Variants in WWOX observed in about 807,000 individuals in gnomAD.
WWOX encodes the protein WW domain containing oxidoreductase.
In WWOX, 69 loss-of-function variants were observed where a neutral mutation model predicts 46.2. The ratio of observed to expected loss-of-function variants is 1.49; its 90% confidence interval spans 1.23 to 1.82. The LOEUF (loss-of-function observed/expected upper bound fraction) is 1.82, where lower values mean the gene tolerates loss of function less well. WWOX is among the 40% of genes most tolerant of loss of function. WWOX has a pLI of 0.00. For synonymous variants in WWOX, 359 were observed against 202.6 expected, an observed-to-expected ratio of 1.77 and a Z score of -6.56; for missense variants, 919 against 542.6, an observed-to-expected ratio of 1.69 and a Z score of -6.89.
chr16:78,511,401 A>G (rs1336336275), intron 8 of WWOX, among the ~76,000 whole-genome samples: 2 of 152,224 alleles, frequency 1.3e-5, no homozygotes, highest in African/African-American at 4.8e-5. Flanking sequence ...TCCAGCTGAA[A>G]ACAAAAAGGG....
At chr16:78,767,746 T>C (rs1271325053) in intron 8 of WWOX, among the ~76,000 whole-genome samples, 1 of 152,128 alleles carries the variant, frequency 6.6e-6, no homozygotes, top group East Asian at 1.9e-4. Flanking sequence ...CTTAAAAAAA[T>C]AGAATAGCCA....
intron 8 of WWOX, among the ~76,000 whole-genome samples, chr16:78,483,058 T>C (rs1367465580): frequency 1.3e-5 from 2 of 152,190 alleles, no homozygotes; most frequent in Non-Finnish European, 2.9e-5. Flanking sequence ...AAGGGCCTCT[T>C]CAACCTACCT....
chr16:78,653,458 T>A (rs1375931017), intron 8 of WWOX, among the ~76,000 whole-genome samples: 2 of 152,230 alleles, frequency 1.3e-5, no homozygotes, highest in African/African-American at 4.8e-5. Flanking sequence ...TTGCCAGTGA[T>A]TGGTTTAGAA....
At chr16:78,997,398 C>T (rs933635345) in intron 8 of WWOX, among the ~76,000 whole-genome samples, 3 of 152,118 alleles carry the variant, frequency 2.0e-5, no homozygotes, top group Non-Finnish European at 4.4e-5. Flanking sequence ...ACCACGGTGA[C>T]ACGCAAAAGA....
chr16:78,373,045 C>A (rs111316838), intron 5 of WWOX, among the ~76,000 whole-genome samples: 3,331 of 152,210 alleles, frequency 0.022, 104 homozygotes, highest in African/African-American at 0.07. Flanking sequence ...TTGACTTTTT[C>A]AACTCTGTAA....
In WWOX at chr16:79,154,915, T is replaced by A. The variant is rs148942309; in HGVS notation, c.1057-56693T>A. The stretch of plus-strand genomic sequence containing the variant: ...ATACATATCATGGTTTTGGAAAAAA[T>A]GAAAGAAAGAAAGAAGAGGAAGAGC... On this transcript the variant is annotated intron_variant, in intron 8 of 8. Transcript: ENST00000566780. Among the ~76,000 whole-genome samples the A allele has an allele frequency of 8.2e-3, 1,251 of 152,128 alleles. 19 individuals carry two copies. Among genetic ancestry groups the A allele is most frequent in the African/African-American group, 0.029 (1,186 of 41,484 alleles).
At chr16:78,735,763 G>T (rs2049076766) in intron 8 of WWOX, among the ~76,000 whole-genome samples, 1 of 151,954 alleles carries the variant, frequency 6.6e-6, no homozygotes, top group South Asian at 2.1e-4. Flanking sequence ...GAATGTTGTT[G>T]ACTGAAGGCC....
chr16:78,932,305 G>A (rs931358577), intron 8 of WWOX, among the ~76,000 whole-genome samples: 4 of 152,154 alleles, frequency 2.6e-5, no homozygotes, highest in Non-Finnish European at 5.9e-5. Context: ...TTCTTGTACT[G>A]ACCAGGCAGT....
intron 8 of WWOX, among the ~76,000 whole-genome samples, chr16:78,581,049 T>G (rs1287622352): frequency 1.3e-5 from 2 of 152,236 alleles, no homozygotes; most frequent in African/African-American, 4.8e-5. Flanking sequence ...GCCATCAGCC[T>G]TATTAGAGTG....
Position 78,167,551 on chromosome 16 carries a change from G to A in WWOX, c.516+3262G>A, listed in dbSNP as rs578173852. Reference sequence around the variant, plus strand: ...AACAAAACTAATACACGTGGCTCCAGATGTTTAAAATTAGATTTGATAGGT... The same window carrying A: ...AACAAAACTAATACACGTGGCTCCAAATGTTTAAAATTAGATTTGATAGGT... On this transcript the variant is annotated intron_variant, in intron 5 of 8. Transcript: ENST00000566780. 2.0e-5 allele frequency: 3 copies of A among 152,322 alleles called. No homozygotes were observed. In the South Asian group the frequency reaches 6.2e-4, roughly 32 times the overall value. The allele number at this position is 152,322 out of a possible 1,614,324, so 9.4% of individuals were successfully genotyped here. A position where few individuals can be genotyped will look rare whatever the true frequency, so the allele number is the denominator to read the frequency against.
In WWOX at chr16:78,347,136, G is replaced by A. The variant is rs911292574; in HGVS notation, c.517-39724G>A. On this transcript the variant is annotated intron_variant, in intron 5 of 8. Coordinates refer to ENST00000566780, the MANE Select transcript of WWOX (RefSeq NM_016373.4). ...GTGTATTGACAGGTGTGCAGTCATC[G>A]TCACAATCAAGCCATAGCTTCTTTT... Among the ~76,000 whole-genome samples the A allele has an allele frequency of 4.2e-5, 5 of 118,610 alleles. 1 individual carries two copies. Among genetic ancestry groups the A allele is most frequent in the African/African-American group, 1.1e-4 (4 of 34,884 alleles). The allele number at this position is 118,610 out of a possible 152,430, so 77.8% of individuals were successfully genotyped here. A position where few individuals can be genotyped will look rare whatever the true frequency, so the allele number is the denominator to read the frequency against.
At chr16:78,411,379 A>C (rs933809162) in intron 6 of WWOX, among the ~76,000 whole-genome samples, 7 of 152,106 alleles carry the variant, frequency 4.6e-5, no homozygotes, top group African/African-American at 1.7e-4. Context: ...GATTAGAGGG[A>C]AATTTTCTTC....
At chr16:79,181,958 G>C (rs1199176337) in intron 8 of WWOX, among the ~76,000 whole-genome samples, 1 of 152,170 alleles carries the variant, frequency 6.6e-6, no homozygotes, top group Non-Finnish European at 1.5e-5. Flanking sequence ...GCTTTATCCA[G>C]CCTCACCACA....
chr16:78,796,115 A>G (rs925767910), intron 8 of WWOX, among the ~76,000 whole-genome samples: 2 of 152,220 alleles, frequency 1.3e-5, no homozygotes, highest in Admixed American at 6.5e-5. Context: ...TAGCTATCAC[A>G]TTTAGAAACG....
intron 8 of WWOX, among the ~76,000 whole-genome samples, chr16:78,815,904 G>T (rs1438995018): frequency 3.9e-5 from 6 of 152,108 alleles, no homozygotes; most frequent in Non-Finnish European, 5.9e-5. Flanking sequence ...ACAGGGCTCA[G>T]AGGTTCTCTC....
chr16:78,309,475 C>T (rs2080197448), intron 5 of WWOX, among the ~76,000 whole-genome samples: 1 of 152,170 alleles, frequency 6.6e-6, no homozygotes, highest in Non-Finnish European at 1.5e-5. Flanking sequence ...TGGAAGCCCT[C>T]ATCCCCATCA....
intron 1 of WWOX, chr16:78,100,191 A>G (rs1450159484): frequency 9.0e-6 from 11 of 1,222,752 alleles, no homozygotes; most frequent in Non-Finnish European, 1.1e-5. Flanking sequence ...AGATGTTTTA[A>G]AAAGCGCACA....
At chr16:79,018,542 G>A (rs1049067376) in intron 8 of WWOX, among the ~76,000 whole-genome samples, 1 of 152,146 alleles carries the variant, frequency 6.6e-6, no homozygotes, top group Non-Finnish European at 1.5e-5. Context: ...TGAATCAGTG[G>A]TTTGGGGGAG....
chr16:78,402,914 C>A (rs1445566507), intron 6 of WWOX, among the ~76,000 whole-genome samples: 2 of 152,192 alleles, frequency 1.3e-5, no homozygotes, highest in Admixed American at 1.3e-4. Context: ...ACTCCAGAGC[C>A]AAGTGCCATT....
Sources: allele counts gnomAD v4.1 joint callset (sites outside exome capture counted in the v4.1 genomes callset), GRCh38; gene constraint gnomAD v4.1.1; transcripts MANE v1.5; gene names NCBI Gene and HGNC (gene_info 2026-07-23, HGNC 2026-07-21).